KCNMB2: variants seen among roughly 807,000 people sequenced by gnomAD.
The protein encoded by KCNMB2 is potassium calcium-activated channel subfamily M regulatory beta subunit 2.
In KCNMB2, 9 loss-of-function variants were observed where a neutral mutation model predicts 24.5. That is an observed-to-expected ratio of 0.37 (90% CI 0.22 to 0.64). The LOEUF is 0.64. Ranked by LOEUF, KCNMB2 falls within the 30% of genes least tolerant of loss-of-function variation. KCNMB2 has a pLI of 0.63. For synonymous variants in KCNMB2, 109 were observed against 104.4 expected (o/e 1.04, Z -0.27); for missense variants, 226 against 284.3 (o/e 0.79, Z 1.47).
intron 1 of KCNMB2, among the ~76,000 whole-genome samples, chr3:178,686,135 A>G (rs1407461124): frequency 6.6e-6 from 1 of 152,192 alleles, no homozygotes; most frequent in Admixed American, 6.5e-5. Flanking sequence ...AGGATGAGAA[A>G]TATGTTTTTC....
Position 178,662,753 on chromosome 3 carries a change from AAT to A in KCNMB2, c.-68+126046_-68+126047del, listed in dbSNP as rs1455577740. On this transcript the variant is annotated intron_variant, in intron 1 of 4. Coordinates refer to ENST00000452583, the MANE Select transcript of KCNMB2 (RefSeq NM_181361.3). The stretch of plus-strand genomic sequence containing the variant: ...TTAATTATAATAATTCCTGATATAA[AAT>A]ATAATTATAACTAATATTTATTCAT... Among the ~76,000 whole-genome samples the A allele has an allele frequency of 2.6e-5, 4 of 152,236 alleles. No homozygotes were observed. The East Asian group carries it at 5.8e-4, about 22-fold the overall frequency.
At chr3:178,649,098 G>C (rs957987688) in intron 1 of KCNMB2, among the ~76,000 whole-genome samples, 23 of 152,160 alleles carry the variant, frequency 1.5e-4, no homozygotes, top group Admixed American at 4.6e-4. Context: ...ATATGATTTA[G>C]ATGTTAGTTT....
At chr3:178,645,396 G>T (rs1719886905) in intron 1 of KCNMB2, among the ~76,000 whole-genome samples, 1 of 152,042 alleles carries the variant, frequency 6.6e-6, no homozygotes, top group Admixed American at 6.6e-5. Context: ...TTTGTACTTA[G>T]AATCCTCTGA....
chr3:178,580,529 A>G (rs1717159983), intron 1 of KCNMB2, among the ~76,000 whole-genome samples: 1 of 152,188 alleles, frequency 6.6e-6, no homozygotes, highest in Non-Finnish European at 1.5e-5. Context: ...CAATCAGGCA[A>G]GAGAAAGAAA....
At chr3:178,538,803 G>A (rs1715493163) in intron 1 of KCNMB2, among the ~76,000 whole-genome samples, 2 of 152,072 alleles carry the variant, frequency 1.3e-5, no homozygotes, top group African/African-American at 4.8e-5. Context: ...AAGCTGTGAG[G>A]AAAGCCAAAC....
chr3:178,639,053 T>C (rs928866546), intron 1 of KCNMB2, among the ~76,000 whole-genome samples: 3 of 152,214 alleles, frequency 2.0e-5, no homozygotes, highest in African/African-American at 4.8e-5. Context: ...GTTTTAGCTG[T>C]ACTAGAGTTA....
intron 1 of KCNMB2, among the ~76,000 whole-genome samples, chr3:178,720,243 T>C (rs1338200914): frequency 3.3e-5 from 5 of 151,900 alleles, no homozygotes; most frequent in African/African-American, 9.7e-5. Flanking sequence ...TGGTTTTTTG[T>C]CCTTGCAATA....
intron 1 of KCNMB2, among the ~76,000 whole-genome samples, chr3:178,617,522 C>G (rs961864369): frequency 1.9e-4 from 29 of 150,796 alleles, no homozygotes; most frequent in African/African-American, 6.8e-4. Context: ...GAGAAGACTC[C>G]ATCTCAAAAA....
chr3:178,840,189 A>C (rs1293151157), intron 4 of KCNMB2, among the ~76,000 whole-genome samples: 1 of 152,186 alleles, frequency 6.6e-6, no homozygotes, highest in Non-Finnish European at 1.5e-5. Context: ...TAAAGTTCCA[A>C]AATAATCTCC....
intron 1 of KCNMB2, among the ~76,000 whole-genome samples, chr3:178,666,415 G>T (rs1174136744): frequency 6.6e-6 from 1 of 152,116 alleles, no homozygotes; most frequent in African/African-American, 2.4e-5. Flanking sequence ...GACCTGCATG[G>T]TAATATAGTT....
intron 1 of KCNMB2, among the ~76,000 whole-genome samples, chr3:178,734,129 A>G (rs1237007223): frequency 1.3e-5 from 2 of 152,344 alleles, no homozygotes; most frequent in South Asian, 2.1e-4. Flanking sequence ...ACATAATGAG[A>G]TAACTTGGGA....
At chr3:178,784,893 A>AC (rs1713037131) in intron 1 of KCNMB2, among the ~76,000 whole-genome samples, 1 of 151,182 alleles carries the variant, frequency 6.6e-6, no homozygotes, top group Admixed American at 6.6e-5. Context: ...AAAAAAAAAA[A>AC]AAACTATCCA....
chr3:178,580,489 T>C (rs186319182), intron 1 of KCNMB2, among the ~76,000 whole-genome samples: 181 of 151,978 alleles, frequency 1.2e-3, no homozygotes, highest in Non-Finnish European at 2.1e-3. Context: ...CCACTCCTAT[T>C]CAACATAGTA....
chr3:178,779,224 G>T (rs1198626329), intron 1 of KCNMB2, among the ~76,000 whole-genome samples: 1 of 152,122 alleles, frequency 6.6e-6, no homozygotes, highest in African/African-American at 2.4e-5. Context: ...TCCATTTGAT[G>T]GCCTTTCCCA....
chr3:178,837,906 C>A (rs1421649194), intron 4 of KCNMB2, among the ~76,000 whole-genome samples: 1 of 152,074 alleles, frequency 6.6e-6, no homozygotes, highest in Non-Finnish European at 1.5e-5. Flanking sequence ...AATCAATTCA[C>A]AAAAGCATAA....
At chr3:178,659,593 C>T (rs1481458992) in intron 1 of KCNMB2, among the ~76,000 whole-genome samples, 1 of 152,186 alleles carries the variant, frequency 6.6e-6, no homozygotes, top group African/African-American at 2.4e-5. Flanking sequence ...ACTCAGCTAA[C>T]ATCAAAGCCA....
intron 1 of KCNMB2, among the ~76,000 whole-genome samples, chr3:178,771,721 G>A (rs73051678): frequency 0.17 from 26,352 of 151,770 alleles, 2,368 homozygotes; most frequent in Admixed American, 0.19. Flanking sequence ...TTCAAATACA[G>A]TAAGCACATT....
intron 1 of KCNMB2, among the ~76,000 whole-genome samples, chr3:178,686,143 T>C (rs1305602442): frequency 6.6e-6 from 1 of 152,202 alleles, no homozygotes. Context: ...AAATATGTTT[T>C]TCTCACCCAT....
intron 1 of KCNMB2, among the ~76,000 whole-genome samples, chr3:178,739,430 A>AT (rs1723423367): frequency 6.6e-6 from 1 of 152,150 alleles, no homozygotes; most frequent in South Asian, 2.1e-4. Flanking sequence ...ACAACTCCAG[A>AT]TTTTTTTATT....
Sources: gnomAD v4.1 joint callset for allele counts (sites outside exome capture counted in the v4.1 genomes callset) on GRCh38, gnomAD v4.1.1 for gene constraint, MANE v1.5 for transcripts, NCBI Gene and HGNC (gene_info 2026-07-23, HGNC 2026-07-21) for gene names.